Variants in FAM228A observed in about 807,000 individuals in gnomAD.
FAM228A encodes protein FAM228A.
In FAM228A, 13 loss-of-function variants were observed where a neutral mutation model predicts 18.6. That is an observed-to-expected ratio of 0.70 (90% CI 0.45 to 1.11). The LOEUF is 1.11. FAM228A is among the 50% of genes least tolerant of loss of function. The pLI is 0.00. For synonymous variants in FAM228A, 77 were observed against 86.6 expected, an observed-to-expected ratio of 0.89 and a Z score of 0.61; for missense variants, 240 against 242.2, an observed-to-expected ratio of 0.99 and a Z score of 0.06.
intron 3 of FAM228A, among the ~76,000 whole-genome samples, chr2:24,181,195 C>T (rs59996104): frequency 0.17 from 26,321 of 152,152 alleles, 2,894 homozygotes; most frequent in Non-Finnish European, 0.25. Flanking sequence ...CAAACTACTT[C>T]AGCAGTTTCT....
chr2:24,186,773 G>T (rs1024646893), intron 5 of FAM228A, among the ~76,000 whole-genome samples: 2 of 151,864 alleles, frequency 1.3e-5, no homozygotes, highest in Non-Finnish European at 2.9e-5. Context: ...TGAGTAGCTG[G>T]GATTATAGGC....
chr2:24,175,690 C>T, intron 2 of FAM228A, 117 bp downstream of exon 2: 1 of 843,058 alleles, frequency 1.2e-6, no homozygotes, highest in South Asian at 1.5e-5. Flanking sequence ...TGCTTTAAAG[C>T]AGGCGTTGAA....
In FAM228A at chr2:24,175,552, C is replaced by G. The variant is rs1461717783; in HGVS notation, c.72C>G (p.Pro24=). 3 of 1,613,994 alleles carry G rather than the reference C, an allele frequency of 1.9e-6. No individual in the cohort carries two copies. The highest frequency in any genetic ancestry group is 1.7e-6 in the Non-Finnish European group (2 of 1,179,838). The change falls in exon 2 of 6, where the codon CCC becomes CCG. Residue 24 remains proline (P), a synonymous_variant. Coordinates refer to ENST00000295150, the MANE Select transcript of FAM228A (RefSeq NM_001040710.3). Reference sequence around the variant, plus strand: ...AAAAGTTAAGAGAATGGCCGGAGCCCGAGTCCGTTTCTTTAATGGAGGTGA... The same window carrying G: ...AAAAGTTAAGAGAATGGCCGGAGCCGGAGTCCGTTTCTTTAATGGAGGTGA... The part of the protein sequence containing the change: ...RPEKLREWPE[P]ESVSLMEVLA...
chr2:24,183,380 G>A lies in FAM228A; in HGVS notation c.250+8G>A. ...GTCTTCAGTGTGAGACAGGTGCTTT[G>A]TGATCACTGGGCCTCATTTTTTTGA... On this transcript the variant is annotated splice_region_variant and intron_variant, in intron 4 of 5. Coordinates refer to ENST00000295150, the MANE Select transcript of FAM228A (RefSeq NM_001040710.3). The A allele has an allele frequency of 1.2e-6, 2 of 1,612,920 alleles. No homozygotes were observed. The highest frequency in any genetic ancestry group is 1.7e-6 in the Non-Finnish European group (2 of 1,178,894).
intron 5 of FAM228A, chr2:24,188,813 A>C (rs1558405683): frequency 8.1e-6 from 2 of 247,520 alleles, no homozygotes; most frequent in Non-Finnish European, 1.3e-5. Context: ...TTCTCTATTT[A>C]TTTCAGCAGG....
chr2:24,181,681 C>T (rs182161980), intron 3 of FAM228A, among the ~76,000 whole-genome samples: 228 of 152,180 alleles, frequency 1.5e-3, no homozygotes, highest in Non-Finnish European at 2.6e-3. Flanking sequence ...CCACTGTGCC[C>T]GGCCTACGAT....
chr2:24,181,475 C>T (rs983652633), intron 3 of FAM228A, among the ~76,000 whole-genome samples: 2 of 152,180 alleles, frequency 1.3e-5, no homozygotes, highest in Non-Finnish European at 2.9e-5. Flanking sequence ...ACTTCTGCCT[C>T]CGGGGTTCAA....
intron 4 of FAM228A, 25 bp from the exon 5 acceptor site, chr2:24,183,467 TTGA>T: frequency 6.2e-7 from 1 of 1,608,952 alleles, no homozygotes; most frequent in Non-Finnish European, 8.5e-7. Context: ...TTGAAGAGTG[TTGA>T]TTTCGATTTT....
At position 24,191,278 on chromosome 2, in the gene FAM228A, G is replaced by C; in HGVS notation, c.*647G>C. 1.5e-5 allele frequency: 15 copies of C among 985,646 alleles called. No homozygotes were observed. Among genetic ancestry groups the C allele is most frequent in the Non-Finnish European group, 1.8e-5 (15 of 830,118 alleles). 61.1% of individuals were successfully genotyped at this position (985,646 alleles called of 1,614,324 possible). On this transcript the variant is annotated 3_prime_UTR_variant, in exon 6 of 6. Coordinates refer to ENST00000295150, the MANE Select transcript of FAM228A (RefSeq NM_001040710.3). Reference sequence around the variant, plus strand: ...TGGGCCACCGCTCAGCTCAGGACCTGACAGCGTCACTCCCACCCTCACCAC... The same window carrying C: ...TGGGCCACCGCTCAGCTCAGGACCTCACAGCGTCACTCCCACCCTCACCAC...
At chr2:24,177,705 G>T in intron 2 of FAM228A, 97 bp from the exon 3 acceptor site, 1 of 689,718 alleles carries the variant, frequency 1.4e-6, no homozygotes. Context: ...TAAGCCTCAA[G>T]ATTTACACTA....
rs1435325185 is a variant in FAM228A at position 24,190,399 on chromosome 2, C to T, written c.402-13C>T. On this transcript the variant is annotated splice_polypyrimidine_tract_variant and intron_variant, in intron 5 of 5. Transcript: ENST00000295150. ...TGCTGAATCGAGACAATTTTTTCTG[C>T]TTTTCTTCACAGTCCTGAAAAGCTC... 1.3e-6 allele frequency: 2 copies of T among 1,580,058 alleles called. No homozygotes were observed. The highest frequency in any genetic ancestry group is 1.2e-5 in the South Asian group (1 of 85,284).
chr2:24,175,436 C>T (rs1667656576), intron 1 of FAM228A, 31 bp from the exon 2 acceptor site: 9 of 1,505,518 alleles, frequency 6.0e-6, no homozygotes, highest in Non-Finnish European at 8.3e-6. Flanking sequence ...AACCGTCTTC[C>T]TCAGCCTCAG....
chr2:24,183,465 T>G, intron 4 of FAM228A, 30 bp from the exon 5 acceptor site: 1 of 1,608,748 alleles, frequency 6.2e-7, no homozygotes, highest in South Asian at 1.1e-5. Context: ...TCTTGAAGAG[T>G]GTTGATTTCG....
chr2:24,175,626 T>A, intron 2 of FAM228A, 53 bp downstream of exon 2: 1 of 1,316,884 alleles, frequency 7.6e-7, no homozygotes. Context: ...ACCCCTCGAG[T>A]TTGGGAACTG....
At chr2:24,179,433 C>T (rs1349532337) in intron 3 of FAM228A, 1 of 176,546 alleles carries the variant, frequency 5.7e-6, no homozygotes. Context: ...GTATTGCATT[C>T]TTAAGCCTGA....
chr2:24,179,223 A>G (rs1350382839), intron 3 of FAM228A: 2 of 1,007,648 alleles, frequency 2.0e-6, no homozygotes, highest in South Asian at 1.8e-5. Flanking sequence ...AGAATTATGG[A>G]AAAAGTAATT....
chr2:24,176,887 C>G (rs1343290182), intron 2 of FAM228A, among the ~76,000 whole-genome samples: 9 of 152,166 alleles, frequency 5.9e-5, no homozygotes, highest in Non-Finnish European at 1.2e-4. Context: ...ACACTTAGTC[C>G]TATAAGAATA....
intron 5 of FAM228A, among the ~76,000 whole-genome samples, chr2:24,189,266 A>T (rs962020550): frequency 3.9e-5 from 6 of 152,240 alleles, no homozygotes; most frequent in Non-Finnish European, 7.3e-5. Context: ...AACATGGCAC[A>T]TGAGGCACCA....
intron 3 of FAM228A, among the ~76,000 whole-genome samples, chr2:24,178,899 T>G (rs1392878036): frequency 6.6e-6 from 1 of 152,224 alleles, no homozygotes; most frequent in Non-Finnish European, 1.5e-5. Flanking sequence ...AGTTATGGTT[T>G]AGAAGTTTAT....
Sources: gnomAD v4.1 joint callset for allele counts (sites outside exome capture counted in the v4.1 genomes callset) on GRCh38, gnomAD v4.1.1 for gene constraint, MANE v1.5 for transcripts, NCBI Gene and HGNC (gene_info 2026-07-23, HGNC 2026-07-21) for gene names.